FGGY: variants seen among roughly 807,000 people sequenced by gnomAD.
The protein encoded by FGGY is FGGY carbohydrate kinase domain-containing protein.
FGGY carries 72 observed loss-of-function variants against 71.3 expected under a neutral mutation model. The ratio of observed to expected loss-of-function variants is 1.01; its 90% CI spans 0.84 to 1.23. The LOEUF (loss-of-function observed/expected upper bound fraction) is 1.23, where lower values mean the gene tolerates loss of function less well. FGGY is among the 50% of genes most tolerant of loss of function. The probability of loss-of-function intolerance (pLI) is 0.00; values close to 1 mark genes in which losing one functional copy is unlikely to be tolerated. For missense variants in FGGY, 668 were observed against 682.3 expected, an observed-to-expected ratio of 0.98 and a Z score of 0.23; for synonymous variants, 251 against 250.3, an observed-to-expected ratio of 1.00 and a Z score of -0.02.
intron 6 of FGGY, among the ~76,000 whole-genome samples, chr1:59,467,314 A>G (rs966605842): frequency 1.3e-5 from 2 of 152,084 alleles, no homozygotes; most frequent in Non-Finnish European, 2.9e-5. Flanking sequence ...GAACACTTGG[A>G]CACAGGGTGG....
intron 11 of FGGY, among the ~76,000 whole-genome samples, chr1:59,641,786 G>A (rs2097030618): frequency 1.3e-5 from 2 of 152,158 alleles, no homozygotes; most frequent in African/African-American, 4.8e-5. Context: ...CAACTTGTTT[G>A]ATAACATCAT....
At chr1:59,382,954 G>A (rs1390925912) in intron 5 of FGGY, among the ~76,000 whole-genome samples, 1 of 152,110 alleles carries the variant, frequency 6.6e-6, no homozygotes, top group Non-Finnish European at 1.5e-5. Context: ...GAAGTTAGCT[G>A]TGGCTCAGAT....
chr1:59,725,568 AT>A (rs1243191847), intron 14 of FGGY, among the ~76,000 whole-genome samples: 1 of 151,820 alleles, frequency 6.6e-6, no homozygotes, highest in African/African-American at 2.4e-5. Context: ...CCACATATAG[AT>A]TCTGTGTACT....
intron 14 of FGGY, among the ~76,000 whole-genome samples, chr1:59,693,893 G>T (rs1189383300): frequency 5.3e-5 from 8 of 152,140 alleles, no homozygotes; most frequent in Admixed American, 5.2e-4. Context: ...TATAGTCTCA[G>T]CTACTCGGGA....
chr1:59,442,123 G>A (rs1021639024), intron 5 of FGGY, among the ~76,000 whole-genome samples: 1 of 152,158 alleles, frequency 6.6e-6, no homozygotes, highest in Non-Finnish European at 1.5e-5. Context: ...TTGTATAGTT[G>A]TGAAAGGTAT....
At chr1:59,454,863 A>G (rs2091530370) in intron 5 of FGGY, among the ~76,000 whole-genome samples, 1 of 152,246 alleles carries the variant, frequency 6.6e-6, no homozygotes, top group East Asian at 1.9e-4. Flanking sequence ...TGCCAGGATC[A>G]TAGTAACTGA....
intron 8 of FGGY, among the ~76,000 whole-genome samples, chr1:59,579,606 T>A (rs1429943157): frequency 6.6e-6 from 1 of 152,152 alleles, no homozygotes; most frequent in African/African-American, 2.4e-5. Flanking sequence ...CTTTTTCTCA[T>A]ATTGTGCTCC....
intron 2 of FGGY, among the ~76,000 whole-genome samples, chr1:59,331,433 T>G (rs976754871): frequency 2.0e-5 from 3 of 152,116 alleles, no homozygotes; most frequent in African/African-American, 7.2e-5. Context: ...TGTATTTGTC[T>G]TCTTGCTGTT....
At chr1:59,524,864 T>C (rs1486398271) in intron 7 of FGGY, among the ~76,000 whole-genome samples, 1 of 152,208 alleles carries the variant, frequency 6.6e-6, no homozygotes, top group Non-Finnish European at 1.5e-5. Context: ...CAGGACCCAC[T>C]GAATGGCAGG....
intron 3 of FGGY, among the ~76,000 whole-genome samples, chr1:59,340,498 A>G (rs1485979906): frequency 1.3e-5 from 2 of 152,206 alleles, no homozygotes; most frequent in East Asian, 3.8e-4. Flanking sequence ...CATGGTAGAC[A>G]GGGCCATGTG....
chr1:59,713,794 C>T (rs2097820351), intron 14 of FGGY, among the ~76,000 whole-genome samples: 1 of 152,220 alleles, frequency 6.6e-6, no homozygotes, highest in Non-Finnish European at 1.5e-5. Flanking sequence ...GGGGCTGGAA[C>T]CTCTTCCCCT....
chr1:59,316,696 G>A (rs1390879255), intron 1 of FGGY, among the ~76,000 whole-genome samples: 1 of 152,070 alleles, frequency 6.6e-6, no homozygotes, highest in East Asian at 1.9e-4. Flanking sequence ...CATAAATAGG[G>A]GCTAAAAGTC....
intron 5 of FGGY, among the ~76,000 whole-genome samples, chr1:59,385,994 A>C (rs949179286): frequency 6.6e-6 from 1 of 152,174 alleles, no homozygotes; most frequent in African/African-American, 2.4e-5. Flanking sequence ...TATTAAATTT[A>C]GTTATAATTT....
In FGGY at chr1:59,321,681, G is replaced by C. The variant is rs1446865873; in HGVS notation, c.132G>C (p.Trp44Cys). 6.2e-7 allele frequency: 1 copy of C among 1,613,006 alleles called. No homozygotes were observed. Among genetic ancestry groups the C allele is most frequent in the Non-Finnish European group, 8.5e-7 (1 of 1,179,552 alleles). ...LAFADQPIKN[W>C]EPQFNHHEQS... ...TTGCAGACCAGCCAATTAAGAATTG[G>C]GAGCCCCAGTTCAACCACCATGAGC... The change falls in exon 2 of 16, where the codon TGG (tryptophan) becomes TGC (cysteine). Residue 44 changes from tryptophan to cysteine, a missense_variant. Physicochemically the swap from Trp to Cys is radical, Grantham distance 215 (BLOSUM62 -2). This residue lies in a region of FGGY where 661 missense variants were observed against 661.6 expected (regional missense o/e 1.00). Transcript: ENST00000303721.
intron 7 of FGGY, among the ~76,000 whole-genome samples, chr1:59,551,965 A>T (rs1297609497): frequency 6.6e-6 from 1 of 152,172 alleles, no homozygotes. Context: ...TGTTTAAAAA[A>T]CCAGTAACTT....
At chr1:59,666,680 G>T (rs1323529989) in intron 12 of FGGY, among the ~76,000 whole-genome samples, 1 of 152,176 alleles carries the variant, frequency 6.6e-6, no homozygotes, top group African/African-American at 2.4e-5. Context: ...AATGGATTTG[G>T]CTCAGAAGTC....
At chr1:59,452,626 T>G (rs1380187856) in intron 5 of FGGY, among the ~76,000 whole-genome samples, 1 of 152,244 alleles carries the variant, frequency 6.6e-6, no homozygotes, top group Non-Finnish European at 1.5e-5. Flanking sequence ...ATAAATGCTA[T>G]TTTGACTTTC....
chr1:59,624,611 A>G (rs1409519386), intron 9 of FGGY, among the ~76,000 whole-genome samples: 1 of 152,170 alleles, frequency 6.6e-6, no homozygotes, highest in Non-Finnish European at 1.5e-5. Flanking sequence ...ATAGTTCCAC[A>G]TGGCTGGGGA....
chr1:59,373,153 A>G (rs2058007482), intron 4 of FGGY, among the ~76,000 whole-genome samples: 1 of 152,084 alleles, frequency 6.6e-6, no homozygotes, highest in African/African-American at 2.4e-5. Context: ...TTGTGTATCT[A>G]GAAAACCCCA....
Sources: allele counts gnomAD v4.1 joint callset (sites outside exome capture counted in the v4.1 genomes callset), GRCh38; gene constraint gnomAD v4.1.1; regional missense constraint gnomAD v4.1.1; transcripts MANE v1.5; gene names NCBI Gene and HGNC (gene_info 2026-07-23, HGNC 2026-07-21).